TFAP2E: variants seen among roughly 807,000 people sequenced by gnomAD.
TFAP2E encodes transcription factor AP-2 epsilon.
A neutral mutation model predicts 37.9 loss-of-function variants in TFAP2E; 30 were observed. The observed-to-expected ratio is 0.79, with a 90% CI of 0.59 to 1.07. The LOEUF (loss-of-function observed/expected upper bound fraction) is 1.07, where lower values mean the gene tolerates loss of function less well. Ranked by LOEUF, TFAP2E falls within the 50% of genes least tolerant of loss-of-function variation. The pLI is 0.00. For missense variants in TFAP2E, 567 were observed against 637.9 expected (o/e 0.89, Z 1.20); for synonymous variants, 318 against 295.8 (o/e 1.08, Z -0.77).
chr1:35,588,498 G>A lies in TFAP2E; in HGVS notation c.731G>A (p.Arg244Gln), dbSNP rs1223863421. The A allele has an allele frequency of 5.6e-6, 9 of 1,607,052 alleles. No individual in the cohort carries two copies. The highest frequency in any genetic ancestry group is 2.2e-5 in the South Asian group (2 of 90,976). Reference sequence around the variant, plus strand: ...GTGACGGTGGGGGAGGTGCAGCGGCGACTCTCGCCTCCCGAGTGCCTCAAC... The same window carrying A: ...GTGACGGTGGGGGAGGTGCAGCGGCAACTCTCGCCTCCCGAGTGCCTCAAC... ...YKVTVGEVQR[R>Q]LSPPECLNAS... Residue 244 changes from arginine (R) to glutamine (Q), a missense_variant, in exon 4 of 7, where the codon CGA (arginine) becomes CAA (glutamine). By Grantham distance (43) the Arg-to-Gln change is conservative. Around this residue, in one of 3 missense-constraint regions of TFAP2E, gnomAD observed 252 missense variants for 302.6 expected, o/e 0.83. Coordinates refer to ENST00000373235, the MANE Select transcript of TFAP2E (RefSeq NM_178548.4). The surrounding 1 kb of genome is among the most constrained non-coding windows in gnomAD (Gnocchi z 5.1).
intron 3 of TFAP2E, among the ~76,000 whole-genome samples, chr1:35,586,153 C>A (rs1649473980): frequency 6.6e-6 from 1 of 152,068 alleles, no homozygotes; most frequent in Non-Finnish European, 1.5e-5. Flanking sequence ...CAAATGGGGA[C>A]CCAGCAAGAG....
chr1:35,581,013 G>A (rs1328747319), intron 3 of TFAP2E, among the ~76,000 whole-genome samples: 1 of 152,136 alleles, frequency 6.6e-6, no homozygotes, highest in Non-Finnish European at 1.5e-5. Context: ...GTTCCCATTT[G>A]TAGCTACTCT....
chr1:35,590,662 C>G lies in TFAP2E; in HGVS notation c.933C>G (p.Phe311Leu). The change falls in exon 6 of 7, where the codon TTC (phenylalanine) becomes TTG (leucine). Residue 311 changes from phenylalanine (F) to leucine (L), a missense_variant. Physicochemically the swap from Phe to Leu is conservative, Grantham distance 22. This residue lies in a region of TFAP2E where 252 missense variants were observed against 302.6 expected (regional missense o/e 0.83). Transcript: ENST00000373235. The surrounding 1 kb of genome is among the most constrained non-coding windows in gnomAD (Gnocchi z 6.2). The stretch of plus-strand genomic sequence containing the variant: ...AGGCCGTGCACCTGGCCCGAGACTT[C>G]GGTTACGTCTGTGAGACGGAGTTCC... ...EGEAVHLARD[F>L]GYVCETEFPA... 1 of 1,538,456 alleles carries G rather than the reference C, an allele frequency of 6.5e-7. No homozygotes were observed.
intron 6 of TFAP2E, among the ~76,000 whole-genome samples, chr1:35,591,717 G>A (rs1450769629): frequency 1.3e-5 from 2 of 152,138 alleles, no homozygotes; most frequent in African/African-American, 2.4e-5. Context: ...ATGGAGTTTC[G>A]CTCTTGTTTC....
intron 6 of TFAP2E, among the ~76,000 whole-genome samples, chr1:35,592,897 A>T (rs1467421116): frequency 6.6e-6 from 1 of 152,164 alleles, no homozygotes; most frequent in East Asian, 1.9e-4. Context: ...CACCTCCATG[A>T]CCTAATCACC....
At position 35,579,079 on chromosome 1, in the gene TFAP2E, C is replaced by CAAAA. The variant is rs578084271; in HGVS notation, c.562+4106_562+4109dup. ...CCTGGACAACAGAGGGAGACTATCT[C>CAAAA]AAAAAAAAAAAAAAAAAAAAAAAAA... On this transcript the variant is annotated intron_variant, in intron 3 of 6. Coordinates refer to ENST00000373235, the MANE Select transcript of TFAP2E (RefSeq NM_178548.4). 9.5e-4 allele frequency among the ~76,000 whole-genome samples: 16 copies of CAAAA among 16,858 alleles called. 1 individual carries two copies. The highest frequency in any genetic ancestry group is 1.9e-3 in the Non-Finnish European group (12 of 6,458). 11.1% of individuals were successfully genotyped at this position (16,858 alleles called of 152,430 possible).
rs1027556940 is a variant in TFAP2E at position 35,590,340 on chromosome 1, G to C, written c.904+292G>C. On this transcript the variant is annotated intron_variant, in intron 5 of 6. Transcript: ENST00000373235. This position sits in a 1 kb window ranked among gnomAD's most constrained non-coding sequence, Gnocchi z 6.2. ...TGTGTGTGTTGGCGGGGAGTGGCCA[G>C]TGTTTGGATGTGGTAAAGGGATGAA... 3.3e-5 allele frequency among the ~76,000 whole-genome samples: 5 copies of C among 152,040 alleles called. No homozygotes were observed. Among genetic ancestry groups the C allele is most frequent in the Non-Finnish European group, 5.9e-5 (4 of 67,960 alleles).
intron 3 of TFAP2E, among the ~76,000 whole-genome samples, chr1:35,576,879 C>T (rs1649189467): frequency 6.6e-6 from 1 of 152,076 alleles, no homozygotes; most frequent in African/African-American, 2.4e-5. Context: ...CGCGCGGACT[C>T]ACGTGCACAA....
rs377431055 is a variant in TFAP2E at position 35,590,045 on chromosome 1, G to A, written c.901G>A (p.Glu301Lys). 39 of 1,613,778 alleles carry A rather than the reference G, an allele frequency of 2.4e-5. No homozygotes were observed. Among genetic ancestry groups the A allele is most frequent in the African/African-American group, 4.0e-5 (3 of 74,938 alleles). The change falls in exon 5 of 7, where the codon GAA (glutamate) becomes AAA (lysine). Residue 301 changes from glutamate (E) to lysine (K), a missense_variant. Physicochemically the swap from Glu to Lys is moderately conservative, Grantham distance 56. Around this residue, in one of 3 missense-constraint regions of TFAP2E, gnomAD observed 252 missense variants for 302.6 expected, o/e 0.83. Coordinates refer to ENST00000373235, the MANE Select transcript of TFAP2E (RefSeq NM_178548.4). This position sits in a 1 kb window ranked among gnomAD's most constrained non-coding sequence, Gnocchi z 6.2. Reference protein sequence around the residue: ...ANVTLLTSLVEGEAVHLARDF... With the variant: ...ANVTLLTSLVKGEAVHLARDF... ...TGTGACGCTGCTGACTTCGCTAGTGGAAGGTGAGTGAGGCCTGAAGGTGGG... is the reference window on the plus strand; with the variant it reads ...TGTGACGCTGCTGACTTCGCTAGTGAAAGGTGAGTGAGGCCTGAAGGTGGG...
chr1:35,594,797 AT>A lies in TFAP2E; in HGVS notation c.*122del. On this transcript the variant is annotated 3_prime_UTR_variant, in exon 7 of 7. Transcript: ENST00000373235. ...GAGTCAGGCCAGAAAGAGAACATTCATCCAGAGATCCCAGAGTTGGGGATCT... is the reference window on the plus strand; with the variant it reads ...GAGTCAGGCCAGAAAGAGAACATTCACCAGAGATCCCAGAGTTGGGGATCT... 1 of 1,429,272 alleles carries A rather than the reference AT, an allele frequency of 7.0e-7. No homozygotes were observed. Among genetic ancestry groups the A allele is most frequent in the South Asian group, 1.3e-5 (1 of 78,604 alleles). 88.5% of individuals were successfully genotyped at this position (1,429,272 alleles called of 1,614,324 possible). A position where few individuals can be genotyped will look rare whatever the true frequency, so the allele number is the denominator to read the frequency against.
rs1649637915 is a variant in TFAP2E at position 35,590,682 on chromosome 1, A to G, written c.953A>G (p.Glu318Gly). The change falls in exon 6 of 7, where the codon GAG becomes GGG. Residue 318 changes from glutamate (E) to glycine (G), a missense_variant. By Grantham distance (98) the Glu-to-Gly change is moderately conservative. Transcript: ENST00000373235. This position sits in a 1 kb window ranked among gnomAD's most constrained non-coding sequence, Gnocchi z 6.2. ...ARDFGYVCET[E>G]FPAKAAAEYL... ...GACTTCGGTTACGTCTGTGAGACGG[A>G]GTTCCCAGCCAAGGCAGCTGCCGAG... 1 of 1,556,698 alleles carries G rather than the reference A, an allele frequency of 6.4e-7. No individual in the cohort carries two copies. The highest frequency in any genetic ancestry group is 8.8e-7 in the Non-Finnish European group (1 of 1,142,136).
At position 35,574,340 on chromosome 1, in the gene TFAP2E, G is replaced by A; in HGVS notation, c.441G>A (p.Ala147=). 1.4e-6 allele frequency: 2 copies of A among 1,441,756 alleles called. No homozygotes were observed. Among genetic ancestry groups the A allele is most frequent in the Non-Finnish European group, 9.0e-7 (1 of 1,108,342 alleles). The allele number at this position is 1,441,756 out of a possible 1,614,324, so 89.3% of individuals were successfully genotyped here. ...PRLLHGLADG[A]HGLADAPLGL... ...TCCTGCACGGCCTGGCCGACGGCGCGCACGGCCTGGCAGACGCACCTCTCG... is the reference window on the plus strand; with the variant it reads ...TCCTGCACGGCCTGGCCGACGGCGCACACGGCCTGGCAGACGCACCTCTCG... The change falls in exon 2 of 7, where the codon GCG becomes GCA. Residue 147 remains alanine (A), a synonymous_variant. Coordinates refer to ENST00000373235, the MANE Select transcript of TFAP2E (RefSeq NM_178548.4).
Position 35,573,642 on chromosome 1 carries a change from G to T in TFAP2E, c.27+38G>T. Reference sequence around the variant, plus strand: ...GGGCCCGGGACATATTCGGCCGGGGGATCGGGGCGCCTGAGTGCTGGACTT... The same window carrying T: ...GGGCCCGGGACATATTCGGCCGGGGTATCGGGGCGCCTGAGTGCTGGACTT... On this transcript the variant is annotated intron_variant, in intron 1 of 6. Transcript: ENST00000373235. This position sits in a 1 kb window ranked among gnomAD's most constrained non-coding sequence, Gnocchi z 5.9. 1 of 1,537,282 alleles carries T rather than the reference G, an allele frequency of 6.5e-7. No homozygotes were observed. Among genetic ancestry groups the T allele is most frequent in the Non-Finnish European group, 8.8e-7 (1 of 1,142,022 alleles).
intron 3 of TFAP2E, among the ~76,000 whole-genome samples, chr1:35,579,451 T>G (rs1001098815): frequency 2.6e-4 from 39 of 151,940 alleles, no homozygotes; most frequent in Admixed American, 1.3e-3. Flanking sequence ...TCGCCCAGGT[T>G]GGGGTGCAGC....
At position 35,577,587 on chromosome 1, in the gene TFAP2E, G is replaced by A; in HGVS notation, c.562+2587G>A. The A allele has an allele frequency of 2.7e-6, 1 of 376,128 alleles. No individual in the cohort carries two copies. Among genetic ancestry groups the A allele is most frequent in the South Asian group, 1.9e-5 (1 of 53,944 alleles). 23.3% of individuals were successfully genotyped at this position (376,128 alleles called of 1,614,324 possible). A position where few individuals can be genotyped will look rare whatever the true frequency, so the allele number is the denominator to read the frequency against. ...CGGGAGCGGCGGCTGCGTCGCTGAA[G>A]GTTGGGGTCCTTGGTGCGAAAGGGA... On this transcript the variant is annotated intron_variant, in intron 3 of 6. Transcript: ENST00000373235. The surrounding 1 kb of genome is among the most constrained non-coding windows in gnomAD (Gnocchi z 6.3).
At chr1:35,589,878 C>T (rs1301554259) in intron 4 of TFAP2E, 52 bp from the exon 5 acceptor site, 6 of 1,589,532 alleles carry the variant, frequency 3.8e-6, no homozygotes, top group African/African-American at 1.3e-5. Flanking sequence ...AGCTTCCATG[C>T]GTTTCTCTTG....
chr1:35,589,036 G>T (rs778455819), intron 4 of TFAP2E, among the ~76,000 whole-genome samples: 2 of 152,052 alleles, frequency 1.3e-5, no homozygotes, highest in African/African-American at 4.8e-5. Context: ...CTGCTTCAGG[G>T]CCATGAGCTT....
At position 35,574,233 on chromosome 1, in the gene TFAP2E, G is replaced by T; in HGVS notation, c.334G>T (p.Glu112Ter). The T allele has an allele frequency of 8.0e-7, 1 of 1,256,902 alleles. No homozygotes were observed. Among genetic ancestry groups the T allele is most frequent in the Non-Finnish European group, 1.0e-6 (1 of 997,878 alleles). The allele number at this position is 1,256,902 out of a possible 1,614,324, so 77.9% of individuals were successfully genotyped here. The stretch of plus-strand genomic sequence containing the variant: ...CCGCGCAGCCGCCCGCGCCCACGAG[G>T]AGCCTCCCGGCCTGCTGGCACCGCC... ...APRAAARAHE[E>*]PPGLLAPPAR... The change falls in exon 2 of 7, where the codon GAG (glutamate) becomes TAG (stop). Residue 112 changes from glutamate to a stop codon, truncating the protein, a stop_gained. Coordinates refer to ENST00000373235, the MANE Select transcript of TFAP2E (RefSeq NM_178548.4). LOFTEE classifies it high-confidence loss of function.
rs559681658 is a variant in TFAP2E, at chr1:35,575,486, C to A, written c.562+486C>A. On this transcript the variant is annotated intron_variant, in intron 3 of 6. Coordinates refer to ENST00000373235, the MANE Select transcript of TFAP2E (RefSeq NM_178548.4). ...ATTTTCTTTCTGTGGGAGTCTCTTG[C>A]GGCATTTAGACTTAGGGGAGCTTGT... is the stretch of plus-strand genomic sequence containing the variant. Among the ~76,000 whole-genome samples, 235 of 152,264 alleles carry A rather than the reference C, an allele frequency of 1.5e-3. 3 individuals carry two copies. The highest frequency in any genetic ancestry group is 0.013 in the Admixed American group (194 of 15,296).
Sources: allele counts gnomAD v4.1 joint callset (sites outside exome capture counted in the v4.1 genomes callset), GRCh38; gene constraint gnomAD v4.1.1; regional missense constraint gnomAD v4.1.1; non-coding constraint Gnocchi (gnomAD v3.1); transcripts MANE v1.5; gene names NCBI Gene and HGNC (gene_info 2026-07-23, HGNC 2026-07-21).